Variants in ATP8B4 observed in about 807,000 individuals in gnomAD.
ATP8B4 encodes the protein ATPase phospholipid transporting 8B4 (putative).
In ATP8B4, 133 loss-of-function variants were observed where a neutral mutation model predicts 145.6. That is an observed-to-expected ratio of 0.91 (90% CI 0.79 to 1.05). The LOEUF (loss-of-function observed/expected upper bound fraction) is 1.05. ATP8B4 is among the 50% of genes least tolerant of loss of function. ATP8B4 has a pLI of 0.00. For synonymous variants in ATP8B4, 507 were observed against 492.9 expected (o/e 1.03, Z -0.38); for missense variants, 1,458 against 1,425.2 (o/e 1.02, Z -0.37).
At chr15:49,955,915 T>C (rs777109507) in intron 14 of ATP8B4, among the ~76,000 whole-genome samples, 3 of 152,046 alleles carry the variant, frequency 2.0e-5, no homozygotes, top group African/African-American at 7.2e-5. Context: ...GTTTCAGTCA[T>C]GCAACATTAA....
chr15:50,172,441 G>C (rs531173503), intron 1 of ATP8B4, among the ~76,000 whole-genome samples: 42 of 152,366 alleles, frequency 2.8e-4, no homozygotes, highest in African/African-American at 9.9e-4. Context: ...CGCTCACACA[G>C]TGCTCAATGT....
At chr15:50,016,396 T>C (rs1349730831) in intron 6 of ATP8B4, among the ~76,000 whole-genome samples, 4 of 152,178 alleles carry the variant, frequency 2.6e-5, no homozygotes, top group Non-Finnish European at 4.4e-5. Flanking sequence ...AGATTGACCA[T>C]GGAGAAAACA....
intron 1 of ATP8B4, among the ~76,000 whole-genome samples, chr15:50,133,831 C>T (rs2044083691): frequency 6.6e-6 from 1 of 152,048 alleles, no homozygotes; most frequent in Admixed American, 6.6e-5. Flanking sequence ...CTTAAGCATT[C>T]TCTCCACACA....
chr15:49,968,531 C>T (rs1439875406), intron 13 of ATP8B4, among the ~76,000 whole-genome samples: 1 of 152,120 alleles, frequency 6.6e-6, no homozygotes, highest in Non-Finnish European at 1.5e-5. Context: ...CAAAGAAGGG[C>T]ATTACATAAT....
chr15:49,985,362 C>T (rs1048014791), intron 10 of ATP8B4, among the ~76,000 whole-genome samples: 2 of 152,150 alleles, frequency 1.3e-5, no homozygotes, highest in Non-Finnish European at 2.9e-5. Context: ...TCCCAAAGTG[C>T]TGGGATTACA....
intron 20 of ATP8B4, among the ~76,000 whole-genome samples, chr15:49,901,502 C>A (rs766332961): frequency 2.0e-5 from 3 of 152,124 alleles, no homozygotes; most frequent in Non-Finnish European, 4.4e-5. Flanking sequence ...AGCTAAATCA[C>A]CATCTTGAGC....
At chr15:50,072,256 C>G (rs1026513326) in intron 3 of ATP8B4, among the ~76,000 whole-genome samples, 1 of 152,128 alleles carries the variant, frequency 6.6e-6, no homozygotes, top group African/African-American at 2.4e-5. Flanking sequence ...TCAAACCCCT[C>G]TTTGAATTGA....
At chr15:50,143,635 C>A (rs931222456) in intron 1 of ATP8B4, among the ~76,000 whole-genome samples, 3 of 152,174 alleles carry the variant, frequency 2.0e-5, no homozygotes, top group Non-Finnish European at 4.4e-5. Context: ...GCATGAGTAC[C>A]AGGCAGCATG....
intron 5 of ATP8B4, among the ~76,000 whole-genome samples, chr15:50,041,058 G>T (rs2051243309): frequency 6.6e-6 from 1 of 152,170 alleles, no homozygotes; most frequent in Non-Finnish European, 1.5e-5. Flanking sequence ...AAGGTGGTAG[G>T]ATAGTAAGGT....
intron 2 of ATP8B4, among the ~76,000 whole-genome samples, chr15:50,087,415 T>C (rs1290564063): frequency 6.8e-6 from 1 of 146,376 alleles, no homozygotes; most frequent in Non-Finnish European, 1.5e-5. Context: ...TATTATATAT[T>C]ACATATCATA....
chr15:50,158,042 C>T (rs1027519073), intron 1 of ATP8B4, among the ~76,000 whole-genome samples: 1 of 152,232 alleles, frequency 6.6e-6, no homozygotes, highest in African/African-American at 2.4e-5. Context: ...CAGACGGAGT[C>T]TCGTTCACTC....
chr15:50,129,966 A>AAAAGAAAG (rs1194219856), intron 1 of ATP8B4, among the ~76,000 whole-genome samples: 139 of 133,472 alleles, frequency 1.0e-3, no homozygotes, highest in East Asian at 9.7e-4. Flanking sequence ...AAAAAAAAAA[A>AAAAGAAAG]AAAGAAAGAA....
chr15:50,072,559 C>G (rs1434544124), intron 3 of ATP8B4, among the ~76,000 whole-genome samples: 1 of 152,076 alleles, frequency 6.6e-6, no homozygotes, highest in Non-Finnish European at 1.5e-5. Context: ...CAGTACAAGC[C>G]TAAAGCCCAC....
intron 1 of ATP8B4, among the ~76,000 whole-genome samples, chr15:50,108,044 C>G (rs566358708): frequency 8.5e-5 from 13 of 152,172 alleles, no homozygotes; most frequent in South Asian, 8.3e-4. Flanking sequence ...CTAAAACTTA[C>G]GAATCCAAGC....
chr15:49,988,967 C>G (rs895789227), intron 9 of ATP8B4, among the ~76,000 whole-genome samples: 4 of 152,302 alleles, frequency 2.6e-5, no homozygotes, highest in Admixed American at 2.6e-4. Context: ...GCTTTTCCAA[C>G]CTCCACCTGT....
At chr15:50,120,161 G>A (rs1160727519), upstream of ATP8B4, among the ~76,000 whole-genome samples, 1 of 152,072 alleles carries the variant, frequency 6.6e-6, no homozygotes, top group Non-Finnish European at 1.5e-5. Flanking sequence ...TCTATAACCA[G>A]AGCAAGCTAA....
chr15:49,905,606 C>T (rs1036058332), intron 20 of ATP8B4, among the ~76,000 whole-genome samples: 1 of 152,084 alleles, frequency 6.6e-6, no homozygotes, highest in African/African-American at 2.4e-5. Context: ...AATGGGGTTA[C>T]CTACAAGTCT....
chr15:49,978,353 G>A (rs1009528500), intron 12 of ATP8B4, among the ~76,000 whole-genome samples: 1 of 152,088 alleles, frequency 6.6e-6, no homozygotes, highest in African/African-American at 2.4e-5. Context: ...TTTAAATAGA[G>A]CCCTCTCTGA....
At chr15:49,895,194 C>CG (rs1261546299) in intron 23 of ATP8B4, 11 of 152,332 alleles carry the variant, frequency 7.2e-5, no homozygotes, top group African/African-American at 2.6e-4. Context: ...AAGATGAATA[C>CG]GGTCTAATGT....
Sources: gnomAD v4.1 joint callset for allele counts (sites outside exome capture counted in the v4.1 genomes callset) on GRCh38, gnomAD v4.1.1 for gene constraint, MANE v1.5 for transcripts, NCBI Gene and HGNC (gene_info 2026-07-23, HGNC 2026-07-21) for gene names.